Variants in FARP1 observed in about 807,000 individuals in gnomAD.
FARP1 encodes the protein FERM, ARHGEF and pleckstrin domain-containing protein 1.
FARP1 carries 52 observed loss-of-function variants against 128.8 expected under a neutral mutation model. The observed-to-expected ratio is 0.40, with a 90% CI of 0.32 to 0.51. FARP1 has a LOEUF of 0.51. Ranked by LOEUF, FARP1 falls within the 20% of genes least tolerant of loss-of-function variation. The pLI is 0.45. For synonymous variants in FARP1, 580 were observed against 551.8 expected (o/e 1.05, Z -0.72); for missense variants, 1,333 against 1,367.9 (o/e 0.97, Z 0.40).
intron 3 of FARP1, among the ~76,000 whole-genome samples, chr13:98,348,492 G>A (rs551338557): frequency 1.3e-5 from 2 of 152,242 alleles, no homozygotes; most frequent in African/African-American, 4.8e-5. Flanking sequence ...CCCTCGAAAC[G>A]GACTTTGCAG....
chr13:98,444,143 G>A (rs1412698990), intron 24 of FARP1, among the ~76,000 whole-genome samples: 15 of 152,094 alleles, frequency 9.9e-5, no homozygotes, highest in Non-Finnish European at 2.1e-4. Flanking sequence ...ATGTTGCAGG[G>A]CTCCGGTCTG....
In FARP1 at chr13:98,440,779, C is replaced by A. The variant is rs148511043; in HGVS notation, c.2739C>A (p.His913Gln). ...CGCACCGCGGCAACACAATGGTGCA[C>A]GTGTGCTGGCACCGCAACACCAGCG... is the stretch of plus-strand genomic sequence containing the variant. ...QAPHRGNTMV[H>Q]VCWHRNTSVS... The change falls in exon 24 of 27, where the codon CAC (histidine) becomes CAA (glutamine). Residue 913 changes from histidine (H) to glutamine (Q), a missense_variant. Around this residue, in one of 2 missense-constraint regions of FARP1, gnomAD observed 1,009 missense variants for 969.8 expected, o/e 1.04. Transcript: ENST00000319562. 7.4e-6 allele frequency: 12 copies of A among 1,612,940 alleles called. No individual in the cohort carries two copies. In the African/African-American group the frequency reaches 1.3e-4, roughly 18 times the overall value.
At chr13:98,349,644 T>G (rs1888321865) in intron 3 of FARP1, among the ~76,000 whole-genome samples, 1 of 132,776 alleles carries the variant, frequency 7.5e-6, no homozygotes, top group Admixed American at 9.4e-5. Context: ...GCACTCAAGC[T>G]TGGCGACAGA....
chr13:98,222,571 A>G (rs1881476892), intron 2 of FARP1, among the ~76,000 whole-genome samples: 1 of 151,934 alleles, frequency 6.6e-6, no homozygotes, highest in Non-Finnish European at 1.5e-5. Flanking sequence ...CGTTAGGATA[A>G]TACAACATGT....
rs71111927 is a variant in FARP1 at position 98,165,710 on chromosome 13, G to GTTTTTTTTTTTTTTTTTT, written c.-24+22234_-24+22251dup. 1.5e-4 allele frequency among the ~76,000 whole-genome samples: 11 copies of GTTTTTTTTTTTTTTTTTT among 74,134 alleles called. 1 individual carries two copies. The highest frequency in any genetic ancestry group is 2.1e-4 in the Non-Finnish European group (9 of 42,340). The allele number at this position is 74,134 out of a possible 152,430, so 48.6% of individuals were successfully genotyped here. ...AAAAAAAAAAACCCTTCCAGAAGGG[G>GTTTTTTTTTTTTTTTTTT]TTTTTTTTTTTTTTTTTTTTTTTTT... On this transcript the variant is annotated intron_variant, in intron 1 of 26. Coordinates refer to ENST00000319562, the MANE Select transcript of FARP1 (RefSeq NM_005766.4).
At chr13:98,219,654 A>G (rs1399161985) in intron 2 of FARP1, among the ~76,000 whole-genome samples, 1 of 150,756 alleles carries the variant, frequency 6.6e-6, no homozygotes, top group Admixed American at 6.6e-5. Context: ...ATTTCTAATG[A>G]ATTTTGTTTC....
intron 2 of FARP1, among the ~76,000 whole-genome samples, chr13:98,253,114 A>C (rs768216341): frequency 4.1e-4 from 63 of 152,240 alleles, no homozygotes; most frequent in Non-Finnish European, 7.9e-4. Context: ...TCTGCGACGA[A>C]AGCAATGTTC....
intron 2 of FARP1, among the ~76,000 whole-genome samples, chr13:98,296,796 C>G (rs1309910646): frequency 6.7e-6 from 1 of 149,338 alleles, no homozygotes; most frequent in Admixed American, 6.7e-5. Context: ...GTGATCCTCT[C>G]ACCTCTGCCT....
At chr13:98,259,875 C>T (rs1200369083) in intron 2 of FARP1, among the ~76,000 whole-genome samples, 2 of 40,818 alleles carry the variant, frequency 4.9e-5, no homozygotes, top group Admixed American at 3.0e-4. Context: ...TTTAAAGATA[C>T]CTGAAAAGTG....
intron 6 of FARP1, among the ~76,000 whole-genome samples, chr13:98,382,756 A>G (rs1326778921): frequency 1.3e-5 from 2 of 152,108 alleles, no homozygotes; most frequent in African/African-American, 2.4e-5. Context: ...CGTACTGTTA[A>G]TAAGTATCCT....
chr13:98,209,566 G>T (rs1594272739), intron 1 of FARP1, among the ~76,000 whole-genome samples: 1 of 147,974 alleles, frequency 6.8e-6, no homozygotes, highest in South Asian at 2.2e-4. Context: ...GGAGGCTGAG[G>T]CGGGTGGATT....
intron 2 of FARP1, among the ~76,000 whole-genome samples, chr13:98,278,522 A>G (rs2139612757): frequency 1.3e-5 from 2 of 152,262 alleles, no homozygotes; most frequent in South Asian, 4.2e-4. Flanking sequence ...AACAGGGTTG[A>G]GATCCAGAGC....
At chr13:98,245,977 G>T (rs1883029593) in intron 2 of FARP1, among the ~76,000 whole-genome samples, 1 of 151,446 alleles carries the variant, frequency 6.6e-6, no homozygotes, top group South Asian at 2.1e-4. Context: ...AGGTTTCACC[G>T]TGTTGCCCAG....
intron 13 of FARP1, chr13:98,402,258 C>G (rs1246290836): frequency 6.6e-6 from 1 of 152,308 alleles, no homozygotes; most frequent in Non-Finnish European, 1.5e-5. Context: ...CATGGAAAAG[C>G]ACACAGACCA....
chr13:98,195,657 G>C (rs1879527483), intron 1 of FARP1, among the ~76,000 whole-genome samples: 1 of 152,096 alleles, frequency 6.6e-6, no homozygotes, highest in Non-Finnish European at 1.5e-5. Context: ...TGTCAGTAGA[G>C]TGTTTGCTAT....
At chr13:98,163,290 G>A (rs1594215526) in intron 1 of FARP1, among the ~76,000 whole-genome samples, 1 of 152,074 alleles carries the variant, frequency 6.6e-6, no homozygotes, top group African/African-American at 2.4e-5. Context: ...GACACACAGA[G>A]GGGAACAACA....
chr13:98,407,325 T>C (rs1178221976), intron 13 of FARP1: 1 of 128,614 alleles, frequency 7.8e-6, no homozygotes, highest in Admixed American at 8.8e-5. Context: ...CTTGTAGTGA[T>C]AACATTTTTC....
At position 98,393,653 on chromosome 13, in the gene FARP1, A is replaced by G; in HGVS notation, c.1099A>G (p.Lys367Glu). 1 of 1,613,916 alleles carries G rather than the reference A, an allele frequency of 6.2e-7. No homozygotes were observed. Among genetic ancestry groups the G allele is most frequent in the Non-Finnish European group, 8.5e-7 (1 of 1,179,754 alleles). The change falls in exon 12 of 27, where the codon AAG (lysine) becomes GAG (glutamate). Residue 367 changes from lysine to glutamate, a missense_variant. Around this residue, in one of 2 missense-constraint regions of FARP1, gnomAD observed 1,009 missense variants for 969.8 expected, o/e 1.04. Coordinates refer to ENST00000319562, the MANE Select transcript of FARP1 (RefSeq NM_005766.4). ...TGTGATTTTTCCCAGGAAGCACAGC[A>G]AGATTCATTCTATCCGGAGCCTTGC... ...KKVQFERKHS[K>E]IHSIRSLASQ...
At chr13:98,306,266 C>T (rs56020664) in intron 2 of FARP1, among the ~76,000 whole-genome samples, 10,792 of 152,244 alleles carry the variant, frequency 0.071, 570 homozygotes, top group African/African-American at 0.15. Context: ...CAAGCTTAAA[C>T]ATATGGGAAA....
Sources: gnomAD v4.1 joint callset for allele counts (sites outside exome capture counted in the v4.1 genomes callset) on GRCh38, gnomAD v4.1.1 for gene constraint, gnomAD v4.1.1 regional missense constraint, MANE v1.5 for transcripts, NCBI Gene and HGNC (gene_info 2026-07-23, HGNC 2026-07-21) for gene names.